GRM1: variants seen among roughly 807,000 people sequenced by gnomAD.
The protein encoded by GRM1 is glutamate metabotropic receptor 1.
In GRM1, 33 loss-of-function variants were observed where a neutral mutation model predicts 90.9. The ratio of observed to expected loss-of-function variants is 0.36; its 90% confidence interval spans 0.28 to 0.49. GRM1 has a LOEUF of 0.49. Ranked by LOEUF, GRM1 falls within the 20% of genes least tolerant of loss-of-function variation. The pLI, the probability that GRM1 is intolerant of heterozygous loss-of-function variation, is 0.99. For missense variants in GRM1, 1,190 were observed against 1,534.3 expected (o/e 0.78, Z 3.75); for synonymous variants, 700 against 613.2 (o/e 1.14, Z -2.09).
chr6:146,050,937 G>A (rs1037278413), intron 1 of GRM1, among the ~76,000 whole-genome samples: 1 of 152,060 alleles, frequency 6.6e-6, no homozygotes, highest in African/African-American at 2.4e-5. Flanking sequence ...ATAACAGAGC[G>A]TTGCAATCAA....
At chr6:146,030,884 C>A (rs1790683032) in intron 1 of GRM1, among the ~76,000 whole-genome samples, 1 of 152,094 alleles carries the variant, frequency 6.6e-6, no homozygotes, top group Non-Finnish European at 1.5e-5. Context: ...TCCCTCACTC[C>A]CCCAAGAATT....
chr6:146,178,367 G>C (rs778519263), intron 2 of GRM1, among the ~76,000 whole-genome samples: 18 of 152,140 alleles, frequency 1.2e-4, no homozygotes, highest in Non-Finnish European at 1.9e-4. Flanking sequence ...TATAGGTTGA[G>C]TATCCCTTAG....
At chr6:146,180,535 G>A (rs541632299) in intron 2 of GRM1, among the ~76,000 whole-genome samples, 26 of 152,228 alleles carry the variant, frequency 1.7e-4, no homozygotes, top group African/African-American at 5.8e-4. Context: ...TATATATTGT[G>A]TGGAGTGATC....
At chr6:146,341,217 A>G (rs909674463) in intron 3 of GRM1, among the ~76,000 whole-genome samples, 5 of 151,936 alleles carry the variant, frequency 3.3e-5, no homozygotes, top group African/African-American at 1.2e-4. Flanking sequence ...ACTATGGTCT[A>G]TTTTTCCTGT....
rs1405860914 is a variant in GRM1 at position 146,398,757 on chromosome 6, T to C, written c.1730-12T>C. 1 of 1,586,442 alleles carries C rather than the reference T, an allele frequency of 6.3e-7. No homozygotes were observed. The highest frequency in any genetic ancestry group is 1.7e-5 in the Admixed American group (1 of 60,000). On this transcript the variant is annotated splice_polypyrimidine_tract_variant and intron_variant, in intron 6 of 7. Coordinates refer to ENST00000282753, the MANE Select transcript of GRM1 (RefSeq NM_001278064.2). ...CCTTGGATTCATGCTCAAATGATTTTTCTCATCACAGGCTGTGAGCCCATT... is the reference window on the plus strand; with the variant it reads ...CCTTGGATTCATGCTCAAATGATTTCTCTCATCACAGGCTGTGAGCCCATT...
At chr6:146,350,004 C>A (rs1028895840) in intron 3 of GRM1, among the ~76,000 whole-genome samples, 9 of 152,220 alleles carry the variant, frequency 5.9e-5, no homozygotes, top group African/African-American at 2.2e-4. Context: ...CACCTGTGTT[C>A]TCAAAATAAT....
Position 146,402,074 on chromosome 6 carries a change from A to T in GRM1, c.2660+2375A>T, listed in dbSNP as rs142425935. Among the ~76,000 whole-genome samples the T allele has an allele frequency of 2.8e-3, 426 of 152,344 alleles. 4 individuals are homozygous for T. The highest frequency in any genetic ancestry group is 9.8e-3 in the African/African-American group (408 of 41,588). ...TCTTGCTTTTGAGAGAAAAATCAGC[A>T]TGGTCTAAATTAACTGGATTGGTTG... On this transcript the variant is annotated intron_variant, in intron 7 of 7. Transcript: ENST00000282753.
intron 1 of GRM1, among the ~76,000 whole-genome samples, chr6:146,121,070 G>C (rs1775969942): frequency 1.3e-5 from 2 of 152,014 alleles, no homozygotes; most frequent in Admixed American, 1.3e-4. Context: ...CTCGTCCTGG[G>C]CTTTTTTTGG....
At chr6:146,203,218 A>AATAC (rs1436822190) in intron 2 of GRM1, among the ~76,000 whole-genome samples, 1 of 151,312 alleles carries the variant, frequency 6.6e-6, no homozygotes, top group African/African-American at 2.4e-5. Flanking sequence ...TAAATAAATA[A>AATAC]ATAAATAAAT....
chr6:146,308,862 A>G (rs921675443), intron 3 of GRM1, among the ~76,000 whole-genome samples: 1 of 152,002 alleles, frequency 6.6e-6, no homozygotes, highest in Admixed American at 6.6e-5. Flanking sequence ...ACATTGATAC[A>G]TTTGTCTTTG....
chr6:146,422,364 G>A (rs1283656762), intron 7 of GRM1, among the ~76,000 whole-genome samples: 1 of 152,182 alleles, frequency 6.6e-6, no homozygotes, highest in Non-Finnish European at 1.5e-5. Flanking sequence ...GTAAAGTGAA[G>A]GGAAGTTTGA....
intron 1 of GRM1, among the ~76,000 whole-genome samples, chr6:146,082,875 A>G (rs569135071): frequency 2.0e-5 from 3 of 152,290 alleles, no homozygotes; most frequent in Non-Finnish European, 2.9e-5. Flanking sequence ...TGAGGATGAA[A>G]TGTTTTTCCA....
intron 7 of GRM1, among the ~76,000 whole-genome samples, chr6:146,417,333 C>T (rs906594837): frequency 6.6e-6 from 1 of 152,078 alleles, no homozygotes; most frequent in Non-Finnish European, 1.5e-5. Flanking sequence ...TTAGTTTGCC[C>T]TGGGGTACTA....
In GRM1 at chr6:146,143,164, C is replaced by T. The variant is rs559693036; in HGVS notation, c.701-16184C>T. ...TTCAAGGCAATGGGTTCTCCAAGGG[C>T]TTTTAAATTCACTACATTTACTTCA... On this transcript the variant is annotated intron_variant, in intron 1 of 7. Transcript: ENST00000282753. 2.0e-4 allele frequency among the ~76,000 whole-genome samples: 30 copies of T among 152,242 alleles called. 1 individual carries two copies. The South Asian group carries it at 6.0e-3, about 31-fold the overall frequency.
Position 146,380,065 on chromosome 6 carries a change from G to A in GRM1, c.1603-6825G>A, listed in dbSNP as rs79572672. On this transcript the variant is annotated intron_variant, in intron 5 of 7. Transcript: ENST00000282753. ...TTTGCCATAGTTGTGCTGACCTCAA[G>A]TCAGCACAGTATTGGTTCTTTCTCA... Among the ~76,000 whole-genome samples, 1,468 of 152,042 alleles carry A rather than the reference G, an allele frequency of 9.7e-3. 23 individuals carry two copies. The highest frequency in any genetic ancestry group is 0.034 in the African/African-American group (1,396 of 41,466).
intron 6 of GRM1, among the ~76,000 whole-genome samples, chr6:146,391,749 T>C (rs1371382628): frequency 2.6e-5 from 4 of 151,756 alleles, no homozygotes; most frequent in African/African-American, 7.3e-5. Flanking sequence ...ATCTAAAACT[T>C]TTAAGAAACT....
intron 1 of GRM1, among the ~76,000 whole-genome samples, chr6:146,134,848 G>A (rs572214300): frequency 9.9e-5 from 15 of 151,998 alleles, no homozygotes; most frequent in South Asian, 2.1e-4. Flanking sequence ...GGAGAATGGC[G>A]GGAACCCGGG....
At chr6:146,319,473 A>T (rs1784092597) in intron 3 of GRM1, among the ~76,000 whole-genome samples, 1 of 152,158 alleles carries the variant, frequency 6.6e-6, no homozygotes, top group African/African-American at 2.4e-5. Flanking sequence ...TTTCATATGA[A>T]ATTTAAAGTA....
At chr6:146,116,748 C>A (rs1775763221) in intron 1 of GRM1, among the ~76,000 whole-genome samples, 1 of 151,986 alleles carries the variant, frequency 6.6e-6, no homozygotes, top group South Asian at 2.1e-4. Context: ...AAGTCTTTTA[C>A]ATTTTTCAAT....
Sources: allele counts gnomAD v4.1 joint callset (sites outside exome capture counted in the v4.1 genomes callset), GRCh38; gene constraint gnomAD v4.1.1; transcripts MANE v1.5; gene names NCBI Gene and HGNC (gene_info 2026-07-23, HGNC 2026-07-21).